Variants in CSMD2 observed in about 807,000 individuals in gnomAD.
CSMD2 encodes CUB and Sushi multiple domains 2.
A neutral mutation model predicts 398.5 loss-of-function variants in CSMD2; 130 were observed. That is an observed-to-expected ratio of 0.33 (90% CI 0.28 to 0.38). The LOEUF (loss-of-function observed/expected upper bound fraction) is 0.38. Ranked by LOEUF, CSMD2 falls within the 10% of genes least tolerant of loss-of-function variation. The probability of loss-of-function intolerance (pLI) is 1.00; values close to 1 mark genes in which losing one functional copy is unlikely to be tolerated. For synonymous variants in CSMD2, 1,828 were observed against 1,908.5 expected (o/e 0.96, Z 1.10); for missense variants, 3,829 against 4,764.9 (o/e 0.80, Z 5.78).
intron 66 of CSMD2, among the ~76,000 whole-genome samples, chr1:33,524,576 C>T (rs1472022659): frequency 1.3e-5 from 2 of 151,990 alleles, no homozygotes; most frequent in Non-Finnish European, 2.9e-5. Flanking sequence ...TGTTTGTTGA[C>T]TGATTGTACT....
intron 2 of CSMD2, among the ~76,000 whole-genome samples, chr1:34,036,368 G>A (rs1330243799): frequency 1.3e-5 from 2 of 152,094 alleles, no homozygotes; most frequent in Non-Finnish European, 2.9e-5. Flanking sequence ...TAGCAATTTG[G>A]GTGGACCTCA....
chr1:33,585,372 G>A (rs1269028380), intron 46 of CSMD2, among the ~76,000 whole-genome samples: 2 of 152,192 alleles, frequency 1.3e-5, no homozygotes, highest in Non-Finnish European at 2.9e-5. Flanking sequence ...TCTGCCTTCA[G>A]AGAAGTGGGG....
At chr1:33,683,418 TA>T (rs1644969047) in intron 25 of CSMD2, among the ~76,000 whole-genome samples, 1 of 152,230 alleles carries the variant, frequency 6.6e-6, no homozygotes, top group Non-Finnish European at 1.5e-5. Flanking sequence ...AAGTTTATTT[TA>T]TGTACTTTTT....
intron 25 of CSMD2, among the ~76,000 whole-genome samples, chr1:33,688,420 A>G (rs796609193): frequency 5.9e-5 from 9 of 152,378 alleles, no homozygotes; most frequent in African/African-American, 2.2e-4. Flanking sequence ...GAGCAGACAG[A>G]CATTAATAGT....
chr1:33,777,257 TG>T (rs1340509420), intron 12 of CSMD2, among the ~76,000 whole-genome samples: 1 of 152,038 alleles, frequency 6.6e-6, no homozygotes, highest in East Asian at 1.9e-4. Flanking sequence ...TCTAAGGCAT[TG>T]GGGGATGTGT....
At chr1:33,894,718 C>T (rs1642263611) in intron 5 of CSMD2, among the ~76,000 whole-genome samples, 1 of 152,174 alleles carries the variant, frequency 6.6e-6, no homozygotes, top group South Asian at 2.1e-4. Context: ...TGTCTCAGGC[C>T]TGCTTTTGGG....
At chr1:33,860,222 C>G (rs1639390479) in intron 5 of CSMD2, among the ~76,000 whole-genome samples, 1 of 152,194 alleles carries the variant, frequency 6.6e-6, no homozygotes, top group Non-Finnish European at 1.5e-5. Flanking sequence ...TTCTTGGTTT[C>G]TTCCAATCTG....
At chr1:33,751,378 G>A (rs1037719861) in intron 13 of CSMD2, among the ~76,000 whole-genome samples, 2 of 152,096 alleles carry the variant, frequency 1.3e-5, no homozygotes, top group Non-Finnish European at 2.9e-5. Flanking sequence ...ACTGCTGAGC[G>A]CCATGTATCA....
At chr1:33,854,435 G>C (rs549071855) in intron 5 of CSMD2, among the ~76,000 whole-genome samples, 1 of 152,354 alleles carries the variant, frequency 6.6e-6, no homozygotes, top group Admixed American at 6.5e-5. Context: ...GCAGTGAGCA[G>C]GTGAGCCAGG....
chr1:33,653,290 C>T (rs1328818085), intron 27 of CSMD2, among the ~76,000 whole-genome samples: 4 of 152,156 alleles, frequency 2.6e-5, no homozygotes, highest in Non-Finnish European at 4.4e-5. Context: ...AAGTACATGG[C>T]CTTCCTTCAC....
rs747579683 is a variant in CSMD2, at chr1:33,864,297, G to A, written c.921-17301C>T. 9 of 1,613,648 alleles carry A rather than the reference G, an allele frequency of 5.6e-6. No homozygotes were observed. The highest frequency in any genetic ancestry group is 4.5e-5 in the East Asian group (2 of 44,886). On this transcript the variant is annotated intron_variant, in intron 5 of 70. Transcript: ENST00000373381. ...CAAGGAGCAGCAGCCAAATACCTAT[G>A]TTGGCTTTAAAGAGTTCTCTAGAAA...
At chr1:34,081,551 T>C (rs1304271570) in intron 2 of CSMD2, among the ~76,000 whole-genome samples, 1 of 152,074 alleles carries the variant, frequency 6.6e-6, no homozygotes, top group African/African-American at 2.4e-5. Flanking sequence ...GCCGAGTGCC[T>C]GGGATCGCAG....
At chr1:33,638,528 C>T (rs1642932144) in intron 29 of CSMD2, among the ~76,000 whole-genome samples, 1 of 152,224 alleles carries the variant, frequency 6.6e-6, no homozygotes, top group Non-Finnish European at 1.5e-5. Context: ...ATTTCCCAGC[C>T]TCCTTGTGTA....
At chr1:33,934,045 G>A (rs1279070627) in intron 4 of CSMD2, among the ~76,000 whole-genome samples, 1 of 152,176 alleles carries the variant, frequency 6.6e-6, no homozygotes, top group Non-Finnish European at 1.5e-5. Flanking sequence ...AGGTATACAT[G>A]CCATGTAATT....
intron 11 of CSMD2, among the ~76,000 whole-genome samples, chr1:33,789,064 T>A (rs1216098279): frequency 6.6e-6 from 1 of 152,172 alleles, no homozygotes; most frequent in Non-Finnish European, 1.5e-5. Context: ...CTTGCAACTT[T>A]TGATCTCTTG....
intron 5 of CSMD2, among the ~76,000 whole-genome samples, chr1:33,909,084 G>A (rs1030226865): frequency 1.3e-5 from 2 of 152,184 alleles, no homozygotes; most frequent in African/African-American, 2.4e-5. Context: ...CAGCCAACAT[G>A]GGTTCAGCAT....
intron 6 of CSMD2, among the ~76,000 whole-genome samples, chr1:33,843,920 C>T (rs1661107333): frequency 6.6e-6 from 1 of 152,304 alleles, no homozygotes; most frequent in African/African-American, 2.4e-5. Context: ...GCTCTTGCCA[C>T]CTTCTTCCCT....
chr1:33,799,685 A>G (rs1655368006), intron 10 of CSMD2, among the ~76,000 whole-genome samples: 1 of 152,172 alleles, frequency 6.6e-6, no homozygotes, highest in Admixed American at 6.5e-5. Flanking sequence ...TTCCTGGAAT[A>G]CAGATGTGAG....
At chr1:33,673,526 G>C (rs1426108460) in intron 25 of CSMD2, among the ~76,000 whole-genome samples, 1 of 152,192 alleles carries the variant, frequency 6.6e-6, no homozygotes, top group African/African-American at 2.4e-5. Context: ...AACCAAGTTG[G>C]AAAACACTCT....
Sources: allele counts gnomAD v4.1 joint callset (sites outside exome capture counted in the v4.1 genomes callset), GRCh38; gene constraint gnomAD v4.1.1; transcripts MANE v1.5; gene names NCBI Gene and HGNC (gene_info 2026-07-23, HGNC 2026-07-21).